EYA1: variants seen among roughly 807,000 people sequenced by gnomAD.
EYA1 encodes the protein protein phosphatase EYA1.
EYA1 carries 16 observed loss-of-function variants against 82.0 expected under a neutral mutation model. The observed-to-expected ratio is 0.20, with a 90% CI of 0.13 to 0.30. The LOEUF (loss-of-function observed/expected upper bound fraction) is 0.30. EYA1 is among the 10% of genes least tolerant of loss of function. The pLI, the probability that EYA1 is intolerant of heterozygous loss-of-function variation, is 1.00. For synonymous variants in EYA1, 261 were observed against 264.4 expected (o/e 0.99, Z 0.12); for missense variants, 633 against 730.7 (o/e 0.87, Z 1.54).
chr8:71,315,795 A>G (rs568106224), intron 7 of EYA1, among the ~76,000 whole-genome samples: 1 of 152,354 alleles, frequency 6.6e-6, no homozygotes, highest in South Asian at 2.1e-4. Context: ...AATGAGGCAC[A>G]TAAATAATAT....
chr8:71,486,609 G>T (rs1340018080), intron 2 of EYA1, among the ~76,000 whole-genome samples: 2 of 152,186 alleles, frequency 1.3e-5, no homozygotes, highest in Non-Finnish European at 2.9e-5. Flanking sequence ...AAAAGACCTG[G>T]ATCCTATTCG....
chr8:71,509,324 C>T (rs144129632), intron 2 of EYA1, among the ~76,000 whole-genome samples: 45 of 152,174 alleles, frequency 3.0e-4, no homozygotes, highest in African/African-American at 9.6e-4. Flanking sequence ...TACAACTTCA[C>T]GAGTATTTTA....
intron 2 of EYA1, chr8:71,529,465 A>G (rs908100899): frequency 1.3e-5 from 2 of 152,218 alleles, no homozygotes; most frequent in Non-Finnish European, 2.9e-5. Context: ...ATGGCATATC[A>G]AGGGTTAAAT....
chr8:71,223,978 G>A (rs536532847), intron 12 of EYA1, among the ~76,000 whole-genome samples: 2 of 152,254 alleles, frequency 1.3e-5, no homozygotes, highest in East Asian at 1.9e-4. Flanking sequence ...AATTAATAAA[G>A]AGAATTAAGA....
At chr8:71,337,667 A>T (rs1405818836) in intron 3 of EYA1, among the ~76,000 whole-genome samples, 1 of 152,258 alleles carries the variant, frequency 6.6e-6, no homozygotes, top group African/African-American at 2.4e-5. Context: ...TATCTGTATT[A>T]CAGGAATAAG....
chr8:71,361,850 C>T lies in EYA1; in HGVS notation c.-258G>A, dbSNP rs574813723. 5 of 985,320 alleles carry T rather than the reference C, an allele frequency of 5.1e-6. No homozygotes were observed. Among genetic ancestry groups the T allele is most frequent in the Non-Finnish European group, 6.0e-6 (5 of 829,928 alleles). 61.0% of individuals were successfully genotyped at this position (985,320 alleles called of 1,614,324 possible). On this transcript the variant is annotated 5_prime_UTR_variant, in exon 1 of 18. Coordinates refer to ENST00000340726, the MANE Select transcript of EYA1 (RefSeq NM_000503.6). Reference sequence around the variant, plus strand: ...GCAGGGGGCAGGCGCCTGGCCGCTGCCGCAGGCTCGGGCTGCCGAGCGACT... The same window carrying T: ...GCAGGGGGCAGGCGCCTGGCCGCTGTCGCAGGCTCGGGCTGCCGAGCGACT...
chr8:71,199,958 G>GC, intron 17 of EYA1: 1 of 134,806 alleles, frequency 7.4e-6, no homozygotes, highest in East Asian at 4.6e-4. Context: ...AACATCTAAC[G>GC]TTGTTTTTTT....
At chr8:71,250,014 T>C (rs775549016) in intron 11 of EYA1, among the ~76,000 whole-genome samples, 4 of 152,100 alleles carry the variant, frequency 2.6e-5, no homozygotes, top group Non-Finnish European at 5.9e-5. Context: ...CTTATTGTCA[T>C]TGCCATTGTT....
intron 2 of EYA1, among the ~76,000 whole-genome samples, chr8:71,396,590 G>C (rs1829632028): frequency 6.6e-6 from 1 of 152,186 alleles, no homozygotes; most frequent in African/African-American, 2.4e-5. Context: ...TTTCCATGCA[G>C]TAGAGTGGTT....
rs1293217360 is a variant in EYA1, at chr8:71,321,802, C to T, written c.350G>A (p.Gly117Glu). 6.2e-7 allele frequency: 1 copy of T among 1,614,182 alleles called. No homozygotes were observed. The highest frequency in any genetic ancestry group is 1.7e-5 in the Admixed American group (1 of 60,012). Residue 117 changes from glycine (G) to glutamate (E), a missense_variant, in exon 6 of 18, where the codon GGA becomes GAA. By Grantham distance (98) the Gly-to-Glu change is moderately conservative (BLOSUM62 -2). Coordinates refer to ENST00000340726, the MANE Select transcript of EYA1 (RefSeq NM_000503.6). ...AAYGQTQFTT[G>E]MQQATAYATY... is the part of the protein sequence containing the mutation. ...GGCATAGGCTGTAGCTTGTTGCATT[C>T]CTGTGGTAAACTGTGTTTGCCCATA... is the stretch of plus-strand genomic sequence containing the variant.
Position 71,290,720 on chromosome 8 carries a change from G to A in EYA1, c.826+8327C>T, listed in dbSNP as rs188949237. On this transcript the variant is annotated intron_variant, in intron 9 of 17. Coordinates refer to ENST00000340726, the MANE Select transcript of EYA1 (RefSeq NM_000503.6). The stretch of plus-strand genomic sequence containing the variant: ...AGGTAACAAAACTCATTTTCATAAC[G>A]TTTCTCACAGTATAAAACAAAGAGT... 2.0e-5 allele frequency among the ~76,000 whole-genome samples: 3 copies of A among 151,868 alleles called. No individual in the cohort carries two copies. The East Asian group carries it at 5.8e-4, about 29-fold the overall frequency.
intron 2 of EYA1, among the ~76,000 whole-genome samples, chr8:71,465,906 A>G (rs1443583707): frequency 5.3e-5 from 8 of 152,100 alleles, no homozygotes; most frequent in Non-Finnish European, 4.4e-5. Context: ...TTAGTTACCT[A>G]TAGTTTCCAA....
At chr8:71,387,902 C>G (rs546605684) in intron 2 of EYA1, among the ~76,000 whole-genome samples, 1 of 152,004 alleles carries the variant, frequency 6.6e-6, no homozygotes, top group South Asian at 2.1e-4. Context: ...AGCACAGGGG[C>G]TGAACACAAA....
At chr8:71,280,597 G>C (rs531973411) in intron 9 of EYA1, among the ~76,000 whole-genome samples, 2 of 152,324 alleles carry the variant, frequency 1.3e-5, no homozygotes, top group South Asian at 4.1e-4. Context: ...AGCAATTCCA[G>C]TGGTGGCCTA....
intron 2 of EYA1, among the ~76,000 whole-genome samples, chr8:71,496,480 CG>C (rs1811422424): frequency 6.6e-6 from 1 of 152,108 alleles, no homozygotes; most frequent in Admixed American, 6.5e-5. Context: ...TATATCTAAG[CG>C]AAACGTTATA....
At chr8:71,371,625 G>C (rs1254272179) in intron 2 of EYA1, among the ~76,000 whole-genome samples, 1 of 152,138 alleles carries the variant, frequency 6.6e-6, no homozygotes. Flanking sequence ...TCTGAGGAAA[G>C]CTTCTCGAGA....
At chr8:71,246,696 C>T (rs1318738382) in intron 11 of EYA1, among the ~76,000 whole-genome samples, 2 of 152,166 alleles carry the variant, frequency 1.3e-5, no homozygotes, top group East Asian at 3.9e-4. Flanking sequence ...ATGGCAAACA[C>T]AATATTCTCA....
At chr8:71,233,975 G>T (rs575814543) in intron 12 of EYA1, among the ~76,000 whole-genome samples, 3 of 152,128 alleles carry the variant, frequency 2.0e-5, no homozygotes, top group Non-Finnish European at 4.4e-5. Flanking sequence ...TTTCCCAGTG[G>T]GGGGTAGACC....
intron 9 of EYA1, among the ~76,000 whole-genome samples, chr8:71,276,788 T>C (rs1200101126): frequency 6.6e-6 from 1 of 152,236 alleles, no homozygotes; most frequent in Admixed American, 6.5e-5. Context: ...CACTGAGCTA[T>C]GTATTCAACT....
Sources: allele counts gnomAD v4.1 joint callset (sites outside exome capture counted in the v4.1 genomes callset), GRCh38; gene constraint gnomAD v4.1.1; transcripts MANE v1.5; gene names NCBI Gene and HGNC (gene_info 2026-07-23, HGNC 2026-07-21).